The following MORC3 variants were observed in gnomAD, a reference collection of about 807,000 sequenced individuals.
MORC3 encodes MORC family CW-type zinc finger 3, also known as MORC family CW-type zinc finger protein 3.
MORC3 carries 31 observed loss-of-function variants against 109.1 expected under a neutral mutation model. The observed-to-expected ratio is 0.28, with a 90% CI of 0.21 to 0.38. MORC3 has a LOEUF of 0.38. Ranked by LOEUF, MORC3 falls within the 10% of genes least tolerant of loss-of-function variation. MORC3 has a pLI of 1.00. For synonymous variants in MORC3, 395 were observed against 380.7 expected, an observed-to-expected ratio of 1.04 and a Z score of -0.44; for missense variants, 867 against 1,135.8, an observed-to-expected ratio of 0.76 and a Z score of 3.40.
At chr21:36,339,131 T>G in intron 5 of MORC3, 1 of 457,064 alleles carries the variant, frequency 2.2e-6, no homozygotes, top group Admixed American at 4.3e-5. Flanking sequence ...AAAAAAATTT[T>G]TTTTTGAGAC....
At chr21:36,330,665 T>G (rs1350346993) in intron 1 of MORC3, among the ~76,000 whole-genome samples, 2 of 152,180 alleles carry the variant, frequency 1.3e-5, no homozygotes, top group Non-Finnish European at 2.9e-5. Flanking sequence ...CTCTTTTTAG[T>G]CGACAGTAGC....
chr21:36,352,549 T>C (rs985876913), intron 9 of MORC3, among the ~76,000 whole-genome samples: 2 of 152,196 alleles, frequency 1.3e-5, no homozygotes, highest in African/African-American at 4.8e-5. Flanking sequence ...ATTGCAAATC[T>C]GAAAATCTGA....
chr21:36,320,241 TC>T lies in MORC3; in HGVS notation c.-22del. ...CCAGTCGGGTTGCGGCGGAGGCCGT[TC>T]CTGGCTTTGTAGCTCGCTCAAGATG... On this transcript the variant is annotated 5_prime_UTR_variant, in exon 1 of 17. Coordinates refer to ENST00000400485, the MANE Select transcript of MORC3 (RefSeq NM_015358.3). 1 of 1,577,854 alleles carries T rather than the reference TC, an allele frequency of 6.3e-7. No homozygotes were observed. Among genetic ancestry groups the T allele is most frequent in the East Asian group, 2.4e-5 (1 of 42,280 alleles).
intron 13 of MORC3, among the ~76,000 whole-genome samples, chr21:36,363,427 A>C (rs2085742812): frequency 6.6e-6 from 1 of 152,132 alleles, no homozygotes; most frequent in South Asian, 2.1e-4. Context: ...AAAACAAAAA[A>C]CAAACAAAAT....
intron 15 of MORC3, 152 bp from the exon 16 acceptor site, chr21:36,372,222 G>A (rs1429988419): frequency 6.8e-6 from 4 of 587,572 alleles, no homozygotes; most frequent in East Asian, 6.6e-5. Context: ...ATGAAGCCTT[G>A]TTTATAGAAA....
At chr21:36,322,637 A>C (rs1157735769) in intron 1 of MORC3, among the ~76,000 whole-genome samples, 1 of 152,132 alleles carries the variant, frequency 6.6e-6, no homozygotes, top group Non-Finnish European at 1.5e-5. Context: ...CTCCTAAAGC[A>C]CTGCGATTAC....
intron 9 of MORC3, among the ~76,000 whole-genome samples, chr21:36,354,233 AAGG>A (rs1569101936): frequency 6.6e-6 from 1 of 151,954 alleles, no homozygotes; most frequent in Non-Finnish European, 1.5e-5. Context: ...GAAGAGGTGG[AAGG>A]AGAGGCAGGC....
rs1410534233 is a variant in MORC3 at position 36,362,240 on chromosome 21, T to G, written c.1452+12T>G. Reference sequence around the variant, plus strand: ...AAATGATCCCTCGGGTAATTAAGCCTTCTTTTTTTTTTTTTTTTTTAAATA... The same window carrying G: ...AAATGATCCCTCGGGTAATTAAGCCGTCTTTTTTTTTTTTTTTTTTAAATA... On this transcript the variant is annotated intron_variant, in intron 13 of 16. Transcript: ENST00000400485. The G allele has an allele frequency of 6.4e-7, 1 of 1,571,724 alleles. No homozygotes were observed. Among genetic ancestry groups the G allele is most frequent in the South Asian group, 1.2e-5 (1 of 83,622 alleles).
chr21:36,349,235 C>A, intron 8 of MORC3, 76 bp from the exon 9 acceptor site: 2 of 878,432 alleles, frequency 2.3e-6, no homozygotes, highest in South Asian at 1.5e-5. Flanking sequence ...AATATACAAA[C>A]TATAATTCTT....
chr21:36,339,086 T>C (rs1041702575), intron 5 of MORC3, 165 bp downstream of exon 5: 1 of 730,698 alleles, frequency 1.4e-6, no homozygotes, highest in African/African-American at 1.8e-5. Context: ...ATAGAGGCCA[T>C]TTCAGCTTCA....
At chr21:36,341,607 G>T (rs1392296343) in intron 6 of MORC3, 61 bp downstream of exon 6, 3 of 1,600,856 alleles carry the variant, frequency 1.9e-6, no homozygotes, top group South Asian at 2.2e-5. Context: ...AGTATTAGGA[G>T]AGGTCATGTT....
In MORC3 at chr21:36,362,213, G is replaced by A. The variant is rs752801331; in HGVS notation, c.1437G>A (p.Pro479=). 50 of 1,610,042 alleles carry A rather than the reference G, an allele frequency of 3.1e-5. No homozygotes were observed. Among genetic ancestry groups the A allele is most frequent in the African/African-American group, 1.1e-4 (8 of 74,328 alleles). The change falls in exon 13 of 17, where the codon CCG becomes CCA. Residue 479 remains proline (P), a synonymous_variant. Coordinates refer to ENST00000400485, the MANE Select transcript of MORC3 (RefSeq NM_015358.3). The part of the protein sequence containing the change: ...TNKEKFRIRQ[P]EMIPRINAEL... Reference sequence around the variant, plus strand: ...AGGAAAAATTCAGGATCAGACAACCGGAAATGATCCCTCGGGTAATTAAGC... The same window carrying A: ...AGGAAAAATTCAGGATCAGACAACCAGAAATGATCCCTCGGGTAATTAAGC...
chr21:36,336,883 ATGATCC>A lies in MORC3; in HGVS notation c.127_132del (p.Pro43_Asp44del). 1 of 1,602,864 alleles carries A rather than the reference ATGATCC, an allele frequency of 6.2e-7. No homozygotes were observed. Among genetic ancestry groups the A allele is most frequent in the Non-Finnish European group, 8.5e-7 (1 of 1,175,710 alleles). The stretch of plus-strand genomic sequence containing the variant: ...AACTTGTGTTTCCCAGATAATGCTT[ATGATCC>A]TGATGTGAACGCTAAACAAATATGG... On this transcript the variant is annotated inframe_deletion, in exon 3 of 17. Transcript: ENST00000400485.
intron 15 of MORC3, among the ~76,000 whole-genome samples, chr21:36,371,810 GTTTTGT>G (rs1197089059): frequency 4.9e-5 from 7 of 144,042 alleles, no homozygotes; most frequent in Admixed American, 1.4e-4. Flanking sequence ...GTTTTGTTTT[GTTTTGT>G]TTTTTTTTTT....
chr21:36,320,446 T>C, intron 1 of MORC3, 143 bp downstream of exon 1: 1 of 758,862 alleles, frequency 1.3e-6, no homozygotes, highest in Non-Finnish European at 1.8e-6. Context: ...GGGGCGGCCA[T>C]CTCGCTCCCG....
chr21:36,360,176 C>A lies in MORC3; in HGVS notation c.1332-8C>A, dbSNP rs1335509490. On this transcript the variant is annotated splice_region_variant and splice_polypyrimidine_tract_variant and intron_variant, in intron 11 of 16. Transcript: ENST00000400485. Reference sequence around the variant, plus strand: ...GACATGTTATTCCTATGTGATTTTTCTGAATAGAAATTGTGAGGTTCCAGA... The same window carrying A: ...GACATGTTATTCCTATGTGATTTTTATGAATAGAAATTGTGAGGTTCCAGA... 5 of 1,613,924 alleles carry A rather than the reference C, an allele frequency of 3.1e-6. 1 individual carries two copies. Among genetic ancestry groups the A allele is most frequent in the Non-Finnish European group, 4.2e-6 (5 of 1,180,006 alleles).
rs2085490683 is a variant in MORC3, at chr21:36,344,869, CTGAG to C, written c.886-38_886-35del. 15 of 1,606,636 alleles carry C rather than the reference CTGAG, an allele frequency of 9.3e-6. No individual in the cohort carries two copies. In the East Asian group the frequency reaches 3.3e-4, roughly 36 times the overall value. On this transcript the variant is annotated intron_variant, in intron 7 of 16. Transcript: ENST00000400485. ...AATGAAATAGAAAGGATGATTTGAA[CTGAG>C]TGAGGTGTTGTGTTCAAAATTTACC...
chr21:36,364,117 C>G lies in MORC3; in HGVS notation c.1477C>G (p.Pro493Ala). 1 of 1,613,956 alleles carries G rather than the reference C, an allele frequency of 6.2e-7. No individual in the cohort carries two copies. Residue 493 changes from proline (P) to alanine (A), a missense_variant, in exon 14 of 17, where the codon CCA (proline) becomes GCA (alanine). Transcript: ENST00000400485. ...PRINAELLFR[P>A]TALSTPSFSS... Reference sequence around the variant, plus strand: ...GATTAATGCTGAACTGTTGTTTCGGCCAACTGCTCTTTCAACTCCAAGCTT... The same window carrying G: ...GATTAATGCTGAACTGTTGTTTCGGGCAACTGCTCTTTCAACTCCAAGCTT...
At chr21:36,336,114 A>G (rs1244844917) in intron 2 of MORC3, among the ~76,000 whole-genome samples, 1 of 146,526 alleles carries the variant, frequency 6.8e-6, no homozygotes, top group Non-Finnish European at 1.5e-5. Flanking sequence ...TTTTTTTAAT[A>G]CAGATGGGAT....
Sources: gnomAD v4.1 joint callset for allele counts (sites outside exome capture counted in the v4.1 genomes callset) on GRCh38, gnomAD v4.1.1 for gene constraint, MANE v1.5 for transcripts, NCBI Gene and HGNC (gene_info 2026-07-23, HGNC 2026-07-21) for gene names.